The following MAN1C1 variants were observed in gnomAD, a reference collection of about 807,000 sequenced individuals.
MAN1C1 encodes the protein mannosyl-oligosaccharide 1,2-alpha-mannosidase IC.
A neutral mutation model predicts 71.5 loss-of-function variants in MAN1C1; 49 were observed. The ratio of observed to expected loss-of-function variants is 0.69; its 90% CI spans 0.54 to 0.87. MAN1C1 has a LOEUF of 0.87. Among genes scored for constraint, MAN1C1 ranks in the 40% least tolerant of loss-of-function variants. The pLI is 0.00. For synonymous variants in MAN1C1, 352 were observed against 343.7 expected (o/e 1.02, Z -0.27); for missense variants, 743 against 835.0 (o/e 0.89, Z 1.36).
Position 25,771,789 on chromosome 1 carries a change from A to G in MAN1C1, c.1257+17A>G, listed in dbSNP as rs776620640. On this transcript the variant is annotated intron_variant, in intron 8 of 11. Transcript: ENST00000374332. ...GCCTTGGAGGTAAGACAAGCCCTGG[A>G]TTATTCACAGGCCGCTGGTCACCAG... The G allele has an allele frequency of 6.3e-7, 1 of 1,591,508 alleles. No homozygotes were observed. Among genetic ancestry groups the G allele is most frequent in the Admixed American group, 1.7e-5 (1 of 59,962 alleles).
intron 2 of MAN1C1, among the ~76,000 whole-genome samples, chr1:25,689,482 A>G (rs1397491231): frequency 6.6e-6 from 1 of 152,168 alleles, no homozygotes; most frequent in Non-Finnish European, 1.5e-5. Context: ...AGTAGCTCAG[A>G]TTACTGTCAC....
intron 1 of MAN1C1, among the ~76,000 whole-genome samples, chr1:25,622,446 A>G (rs1477893670): frequency 3.3e-5 from 5 of 152,236 alleles, no homozygotes; most frequent in Admixed American, 6.5e-5. Context: ...GAATGGCTAC[A>G]TTAAAGATCC....
At chr1:25,625,508 T>C (rs1572102045) in intron 1 of MAN1C1, among the ~76,000 whole-genome samples, 1 of 152,188 alleles carries the variant, frequency 6.6e-6, no homozygotes, top group Non-Finnish European at 1.5e-5. Flanking sequence ...TTGCCTGTTC[T>C]AGAACTTCAG....
chr1:25,728,111 G>A (rs1353757467), intron 2 of MAN1C1, among the ~76,000 whole-genome samples: 1 of 152,230 alleles, frequency 6.6e-6, no homozygotes, highest in Non-Finnish European at 1.5e-5. Context: ...GGGCGGCTCA[G>A]CTATTTGAGG....
chr1:25,693,010 C>G (rs891813262), intron 2 of MAN1C1, among the ~76,000 whole-genome samples: 12 of 152,194 alleles, frequency 7.9e-5, no homozygotes, highest in Non-Finnish European at 1.3e-4. Flanking sequence ...CACCAACCCC[C>G]TGCACAGTTG....
At chr1:25,652,655 C>T (rs531851696) in intron 1 of MAN1C1, among the ~76,000 whole-genome samples, 155 of 152,348 alleles carry the variant, frequency 1.0e-3, no homozygotes, top group Non-Finnish European at 1.7e-3. Flanking sequence ...GGTGCCCTCC[C>T]ACCGACATGC....
chr1:25,768,117 C>T (rs543596008), intron 7 of MAN1C1, among the ~76,000 whole-genome samples: 21 of 103,034 alleles, frequency 2.0e-4, no homozygotes, highest in African/African-American at 7.4e-4. Context: ...CATACATCCA[C>T]GCTCCCTTAA....
At chr1:25,630,138 A>T (rs1374738274) in intron 1 of MAN1C1, among the ~76,000 whole-genome samples, 1 of 152,110 alleles carries the variant, frequency 6.6e-6, no homozygotes, top group Non-Finnish European at 1.5e-5. Context: ...ACCATTTATT[A>T]AATAGGGTGC....
At position 25,779,252 on chromosome 1, in the gene MAN1C1, C is replaced by G. The variant is rs919239693; in HGVS notation, c.1477+928C>G. Among the ~76,000 whole-genome samples the G allele has an allele frequency of 3.3e-5, 5 of 150,010 alleles. No individual in the cohort carries two copies. The highest frequency in any genetic ancestry group is 1.2e-4 in the African/African-American group (5 of 40,738). On this transcript the variant is annotated intron_variant, in intron 9 of 11. Transcript: ENST00000374332. The surrounding 1 kb of genome is among the most constrained non-coding windows in gnomAD (Gnocchi z 4.6). ...CACCATTTGAAAAGATTAGAGAGGC[C>G]AGATGGGCAGCCTCTGTTTTCTTAT...
At chr1:25,622,815 T>C (rs1025768323) in intron 1 of MAN1C1, among the ~76,000 whole-genome samples, 3 of 152,232 alleles carry the variant, frequency 2.0e-5, no homozygotes, top group African/African-American at 7.2e-5. Flanking sequence ...TCTTGGCAAA[T>C]GATCTTTGCT....
chr1:25,743,996 C>A (rs144045078), intron 2 of MAN1C1, among the ~76,000 whole-genome samples: 94 of 152,300 alleles, frequency 6.2e-4, no homozygotes, highest in African/African-American at 2.2e-3. Context: ...GCCAGTCCCC[C>A]CTTGGTCTAA....
intron 1 of MAN1C1, among the ~76,000 whole-genome samples, chr1:25,676,909 T>G (rs2046076679): frequency 1.3e-5 from 2 of 152,026 alleles, no homozygotes; most frequent in Non-Finnish European, 2.9e-5. Flanking sequence ...AACTTTGGAG[T>G]TTTCCACTCT....
intron 2 of MAN1C1, among the ~76,000 whole-genome samples, chr1:25,742,683 G>A (rs1047450451): frequency 3.3e-5 from 5 of 152,154 alleles, no homozygotes; most frequent in African/African-American, 7.2e-5. Context: ...TAGTGTCACC[G>A]CCATTTTGCA....
In MAN1C1 at chr1:25,771,779, C is replaced by G. The variant is rs747533281; in HGVS notation, c.1257+7C>G. On this transcript the variant is annotated splice_region_variant and intron_variant, in intron 8 of 11. Transcript: ENST00000374332. Reference sequence around the variant, plus strand: ...GTACTACGAAGCCTTGGAGGTAAGACAAGCCCTGGATTATTCACAGGCCGC... The same window carrying G: ...GTACTACGAAGCCTTGGAGGTAAGAGAAGCCCTGGATTATTCACAGGCCGC... 6.2e-7 allele frequency: 1 copy of G among 1,604,236 alleles called. No individual in the cohort carries two copies. The highest frequency in any genetic ancestry group is 8.5e-7 in the Non-Finnish European group (1 of 1,171,132).
rs1244608667 is a variant in MAN1C1 at position 25,780,963 on chromosome 1, T to C, written c.1501T>C (p.Phe501Leu). 1 of 1,613,996 alleles carries C rather than the reference T, an allele frequency of 6.2e-7. No individual in the cohort carries two copies. The highest frequency in any genetic ancestry group is 8.5e-7 in the Non-Finnish European group (1 of 1,179,986). ...AGACACCAAACTTGGGCCTGAGGCCTTCTGGTTTAACTCCGGCAGAGAGGC... is the reference window on the plus strand; with the variant it reads ...AGACACCAAACTTGGGCCTGAGGCCCTCTGGTTTAACTCCGGCAGAGAGGC... The part of the protein sequence containing the change: ...RSDTKLGPEA[F>L]WFNSGREAVA... Residue 501 changes from phenylalanine (F) to leucine (L), a missense_variant, in exon 10 of 12, where the codon TTC becomes CTC. Phe to Leu is a conservative substitution (Grantham distance 22). Transcript: ENST00000374332.
intron 2 of MAN1C1, among the ~76,000 whole-genome samples, chr1:25,733,007 G>A (rs891309282): frequency 3.3e-5 from 5 of 152,170 alleles, no homozygotes; most frequent in African/African-American, 9.7e-5. Flanking sequence ...CCCTGTGTCC[G>A]TGGGCCTGGG....
intron 2 of MAN1C1, among the ~76,000 whole-genome samples, chr1:25,739,289 C>G (rs963089071): frequency 3.3e-5 from 5 of 152,220 alleles, no homozygotes; most frequent in Non-Finnish European, 7.3e-5. Flanking sequence ...AGATACACCA[C>G]AGCAGCTGCC....
At chr1:25,693,186 G>C (rs566879144) in intron 2 of MAN1C1, among the ~76,000 whole-genome samples, 6 of 152,246 alleles carry the variant, frequency 3.9e-5, no homozygotes, top group African/African-American at 1.4e-4. Context: ...ATCTTATTAA[G>C]AAAATAAAGG....
intron 1 of MAN1C1, among the ~76,000 whole-genome samples, chr1:25,628,735 A>G (rs913954655): frequency 2.6e-5 from 4 of 152,222 alleles, no homozygotes; most frequent in African/African-American, 4.8e-5. Context: ...CTCAGTATAT[A>G]GGATTTTTTT....
Sources: gnomAD v4.1 joint callset for allele counts (sites outside exome capture counted in the v4.1 genomes callset) on GRCh38, gnomAD v4.1.1 for gene constraint, Gnocchi (gnomAD v3.1) non-coding constraint, MANE v1.5 for transcripts, NCBI Gene and HGNC (gene_info 2026-07-23, HGNC 2026-07-21) for gene names.